The following ZNF385B variants were observed in gnomAD, a reference collection of about 807,000 sequenced individuals.
ZNF385B encodes the protein zinc finger protein 533.
A neutral mutation model predicts 39.2 loss-of-function variants in ZNF385B; 23 were observed. The observed-to-expected ratio is 0.59, with a 90% CI of 0.42 to 0.83. The LOEUF (loss-of-function observed/expected upper bound fraction) is 0.83, where lower values mean the gene tolerates loss of function less well. Ranked by LOEUF, ZNF385B falls within the 40% of genes least tolerant of loss-of-function variation. ZNF385B has a pLI of 0.00. For missense variants in ZNF385B, 552 were observed against 598.9 expected (o/e 0.92, Z 0.82); for synonymous variants, 205 against 222.6 (o/e 0.92, Z 0.70).
chr2:179,685,199 A>T (rs1419028012), intron 3 of ZNF385B, among the ~76,000 whole-genome samples: 1 of 152,198 alleles, frequency 6.6e-6, no homozygotes, highest in African/African-American at 2.4e-5. Flanking sequence ...TTCATTTAAC[A>T]AGTATCACTT....
chr2:179,801,702 T>C (rs1308941250), intron 1 of ZNF385B, among the ~76,000 whole-genome samples: 2 of 152,160 alleles, frequency 1.3e-5, no homozygotes, highest in African/African-American at 4.8e-5. Context: ...CAATTACACA[T>C]CACATTTTTA....
chr2:179,531,551 G>A (rs2059253779), intron 4 of ZNF385B, among the ~76,000 whole-genome samples: 1 of 152,060 alleles, frequency 6.6e-6, no homozygotes, highest in Non-Finnish European at 1.5e-5. Flanking sequence ...CAGGAGAATC[G>A]CTTGAACCTG....
intron 1 of ZNF385B, among the ~76,000 whole-genome samples, chr2:179,773,005 T>G (rs1225890784): frequency 6.6e-6 from 1 of 152,250 alleles, no homozygotes; most frequent in East Asian, 1.9e-4. Context: ...GTCCTTGAGT[T>G]GCTGCTTTTG....
intron 3 of ZNF385B, among the ~76,000 whole-genome samples, chr2:179,720,128 C>T (rs534637352): frequency 5.9e-5 from 9 of 152,078 alleles, no homozygotes; most frequent in South Asian, 2.1e-4. Context: ...GGTAAAGCGA[C>T]GGTCATCTCA....
chr2:179,664,712 T>C (rs1294136378), intron 3 of ZNF385B, among the ~76,000 whole-genome samples: 2 of 152,160 alleles, frequency 1.3e-5, no homozygotes, highest in Non-Finnish European at 2.9e-5. Context: ...ACATACACTA[T>C]GTAACAAGTG....
At chr2:179,534,550 C>A (rs1030708032) in intron 4 of ZNF385B, among the ~76,000 whole-genome samples, 2 of 152,112 alleles carry the variant, frequency 1.3e-5, no homozygotes. Flanking sequence ...AAACTCAAAT[C>A]TTCATGATGT....
chr2:179,710,622 AGGCTGCTACCAGTGGT>A (rs1397276992), intron 3 of ZNF385B, among the ~76,000 whole-genome samples: 1 of 152,184 alleles, frequency 6.6e-6, no homozygotes, highest in African/African-American at 2.4e-5. Flanking sequence ...TCCAGGCACC[AGGCTGCTACCAGTGGT>A]GTTGGTCTCA....
chr2:179,524,424 C>T (rs554252622), intron 4 of ZNF385B, among the ~76,000 whole-genome samples: 260 of 151,178 alleles, frequency 1.7e-3, no homozygotes, highest in African/African-American at 5.9e-3. Context: ...TGGTGGTGGG[C>T]GCCTGTAGTC....
intron 3 of ZNF385B, among the ~76,000 whole-genome samples, chr2:179,592,493 G>C (rs1687650308): frequency 6.6e-6 from 1 of 152,152 alleles, no homozygotes. Flanking sequence ...GCATGACACT[G>C]TGATTAACTC....
Position 179,726,780 on chromosome 2 carries a change from G to A in ZNF385B, c.298+42723C>T, listed in dbSNP as rs1575356606. On this transcript the variant is annotated intron_variant, in intron 3 of 9. Coordinates refer to ENST00000410066, the MANE Select transcript of ZNF385B (RefSeq NM_152520.6). ...AATATAGTACTATTACTGCATTTGT[G>A]CTTTACACATCTATAGACATCATCT... Among the ~76,000 whole-genome samples the A allele has an allele frequency of 2.0e-5, 3 of 152,144 alleles. No individual in the cohort carries two copies. The East Asian group carries it at 5.8e-4, about 29-fold the overall frequency.
At chr2:179,854,606 G>T (rs943221691) in intron 1 of ZNF385B, among the ~76,000 whole-genome samples, 1 of 152,136 alleles carries the variant, frequency 6.6e-6, no homozygotes, top group Admixed American at 6.5e-5. Flanking sequence ...CAGGCCTCCA[G>T]ACGATGAAAA....
intron 3 of ZNF385B, among the ~76,000 whole-genome samples, chr2:179,746,650 A>T (rs1317514664): frequency 2.6e-5 from 4 of 152,186 alleles, no homozygotes; most frequent in Non-Finnish European, 5.9e-5. Flanking sequence ...TCATTATTTT[A>T]AAAAATCTAT....
chr2:179,589,499 T>G (rs1408406786), intron 3 of ZNF385B, among the ~76,000 whole-genome samples: 2 of 152,128 alleles, frequency 1.3e-5, no homozygotes, highest in African/African-American at 4.8e-5. Context: ...AGTTGAGAAG[T>G]AGTGTGAAGA....
chr2:179,839,642 G>C (rs576178733), intron 1 of ZNF385B, among the ~76,000 whole-genome samples: 1 of 152,258 alleles, frequency 6.6e-6, no homozygotes, highest in South Asian at 2.1e-4. Flanking sequence ...CAACATTCAA[G>C]TTGGAGCAGT....
rs935997936 is a variant in ZNF385B, at chr2:179,444,291, T to C, written c.1242+585A>G. 5.3e-5 allele frequency among the ~76,000 whole-genome samples: 8 copies of C among 152,278 alleles called. No individual in the cohort carries two copies. The East Asian group carries it at 1.3e-3, about 26-fold the overall frequency. On this transcript the variant is annotated intron_variant, in intron 9 of 9. Coordinates refer to ENST00000410066, the MANE Select transcript of ZNF385B (RefSeq NM_152520.6). Reference sequence around the variant, plus strand: ...TGCACTGGGCCCAGTCCCAGGGAGATTGTGAAATCTATCCATCTTGGTATT... The same window carrying C: ...TGCACTGGGCCCAGTCCCAGGGAGACTGTGAAATCTATCCATCTTGGTATT...
At chr2:179,487,220 A>C (rs187521379) in intron 5 of ZNF385B, among the ~76,000 whole-genome samples, 7 of 152,156 alleles carry the variant, frequency 4.6e-5, no homozygotes, top group South Asian at 2.1e-4. Flanking sequence ...GATGGAAAAA[A>C]CTCTCCATAG....
chr2:179,770,028 A>C (rs1311369645), intron 2 of ZNF385B, among the ~76,000 whole-genome samples: 1 of 152,066 alleles, frequency 6.6e-6, no homozygotes, highest in African/African-American at 2.4e-5. Context: ...TTTCACCTGG[A>C]GCACTTTATA....
intron 3 of ZNF385B, among the ~76,000 whole-genome samples, chr2:179,634,758 GT>G (rs1461028402): frequency 6.6e-6 from 1 of 152,150 alleles, no homozygotes; most frequent in Non-Finnish European, 1.5e-5. Context: ...GCACACGTAT[GT>G]TTATTGCGCC....
intron 3 of ZNF385B, among the ~76,000 whole-genome samples, chr2:179,579,938 G>T (rs1686292035): frequency 6.6e-6 from 1 of 152,160 alleles, no homozygotes; most frequent in Non-Finnish European, 1.5e-5. Flanking sequence ...ATAAGTGACA[G>T]AACTTGGATT....
Sources: allele counts gnomAD v4.1 joint callset (sites outside exome capture counted in the v4.1 genomes callset), GRCh38; gene constraint gnomAD v4.1.1; transcripts MANE v1.5; gene names NCBI Gene and HGNC (gene_info 2026-07-23, HGNC 2026-07-21).